IST1: variants seen among roughly 807,000 people sequenced by gnomAD.
The protein encoded by IST1 is IST1 factor associated with ESCRT-III, also known as IST1 homolog.
A neutral mutation model predicts 37.0 loss-of-function variants in IST1; 23 were observed. That is an observed-to-expected ratio of 0.62 (90% CI 0.45 to 0.88). The LOEUF (loss-of-function observed/expected upper bound fraction) is 0.88. IST1 is among the 40% of genes least tolerant of loss of function. The probability of loss-of-function intolerance (pLI) is 0.00; values close to 1 mark genes in which losing one functional copy is unlikely to be tolerated. For missense variants in IST1, 488 were observed against 445.4 expected (o/e 1.10, Z -0.86); for synonymous variants, 180 against 161.7 (o/e 1.11, Z -0.86).
At chr16:71,905,387 T>TTA (rs1597236661) in intron 1 of IST1, among the ~76,000 whole-genome samples, 3 of 64,296 alleles carry the variant, frequency 4.7e-5, no homozygotes, top group African/African-American at 7.2e-5. Context: ...AACTTTTCTT[T>TTA]TTTTTTTTTT....
upstream of IST1, chr16:71,894,718 TA>T: frequency 3.5e-6 from 2 of 567,560 alleles, no homozygotes; most frequent in South Asian, 4.6e-5. Context: ...TTTTTTTTTG[TA>T]GCGATGCGGT....
At chr16:71,924,581 CTGTCTCAAA>C (rs2037691957) in intron 8 of IST1, 179 bp from the exon 9 acceptor site, 2 of 606,862 alleles carry the variant, frequency 3.3e-6, no homozygotes, top group Non-Finnish European at 3.0e-6. Flanking sequence ...ACAGGAGACC[CTGTCTCAAA>C]ATCAAAGGAG....
rs747208217 is a variant in IST1 at position 71,901,756 on chromosome 16, A to AT, written c.-16+6174dup. On this transcript the variant is annotated intron_variant, in intron 1 of 9. Coordinates refer to ENST00000378799, the MANE Select transcript of IST1 (RefSeq NM_001270975.2). ...AAACTAGATTATGTAAATTTGTAGA[A>AT]TTTTTTTAAAAGCATGTGGTTTTTA... 2.3e-4 allele frequency among the ~76,000 whole-genome samples: 35 copies of AT among 152,282 alleles called. 1 individual carries two copies. The highest frequency in any genetic ancestry group is 3.4e-3 in the Middle Eastern group (1 of 294).
intron 1 of IST1, among the ~76,000 whole-genome samples, chr16:71,898,721 G>A (rs1166057866): frequency 6.6e-6 from 1 of 151,378 alleles, no homozygotes; most frequent in Non-Finnish European, 1.5e-5. Context: ...GCTCACGCCT[G>A]TAATCCCAGC....
At chr16:71,896,659 G>A (rs2036978924) in intron 1 of IST1, among the ~76,000 whole-genome samples, 1 of 152,096 alleles carries the variant, frequency 6.6e-6, no homozygotes, top group Non-Finnish European at 1.5e-5. Flanking sequence ...GAACTTCTGG[G>A]ATAGGGGGAC....
intron 1 of IST1, among the ~76,000 whole-genome samples, chr16:71,912,845 C>T (rs2037387774): frequency 6.6e-6 from 1 of 152,174 alleles, no homozygotes; most frequent in Admixed American, 6.5e-5. Flanking sequence ...CAGAATCTTA[C>T]AGTATTTGTT....
rs780072465 is a variant in IST1 at position 71,895,552 on chromosome 16, A to T, written c.-53A>T. ...CGCCATTTTGGATGGTGAACCCTGA[A>T]GTCGGTGTCTGCTGCGTTCACGGCA... On this transcript the variant is annotated 5_prime_UTR_variant, in exon 1 of 10. It adds an upstream start codon to the 5' untranslated region. Transcript: ENST00000378799. 1.1e-5 allele frequency: 11 copies of T among 985,524 alleles called. No individual in the cohort carries two copies. The highest frequency in any genetic ancestry group is 1.3e-5 in the Non-Finnish European group (11 of 830,070). The allele number at this position is 985,524 out of a possible 1,614,324, so 61.0% of individuals were successfully genotyped here. A position where few individuals can be genotyped will look rare whatever the true frequency, so the allele number is the denominator to read the frequency against.
Position 71,929,332 on chromosome 16 carries a change from C to G in IST1, c.*1519C>G. On this transcript the variant is annotated 3_prime_UTR_variant, in exon 10 of 10. Transcript: ENST00000378799. ...GTGAGTTCTGTTACTTGCTGCTTGG[C>G]AGCAGAGCTAGTTTGTCTCGTAGTA... 2.2e-6 allele frequency: 1 copy of G among 459,854 alleles called. No individual in the cohort carries two copies. The highest frequency in any genetic ancestry group is 3.7e-6 in the Non-Finnish European group (1 of 268,800). 28.5% of individuals were successfully genotyped at this position (459,854 alleles called of 1,614,324 possible).
intron 6 of IST1, 52 bp downstream of exon 6, chr16:71,921,505 T>A: frequency 9.8e-7 from 1 of 1,023,128 alleles, no homozygotes; most frequent in Non-Finnish European, 1.4e-6. Flanking sequence ...TATGACCTTC[T>A]TTGGAAAACA....
chr16:71,895,004 G>T, upstream of IST1: 1 of 604,772 alleles, frequency 1.7e-6, no homozygotes, highest in Admixed American at 2.9e-5. Context: ...TTAAAAGCGG[G>T]GCGGGGGAAC....
chr16:71,899,858 C>A (rs1469082296), intron 1 of IST1, among the ~76,000 whole-genome samples: 1 of 151,992 alleles, frequency 6.6e-6, no homozygotes, highest in Non-Finnish European at 1.5e-5. Flanking sequence ...CCTGTCTCTA[C>A]TAAAAATATA....
chr16:71,895,476 C>T (rs1287047012), upstream of IST1: 20 of 979,998 alleles, frequency 2.0e-5, no homozygotes, highest in Non-Finnish European at 2.4e-5. Context: ...GTGGCTATAT[C>T]GGCCCCGTGG....
chr16:71,904,871 TTTTCA>T (rs1241228173), intron 1 of IST1, among the ~76,000 whole-genome samples: 1 of 152,212 alleles, frequency 6.6e-6, no homozygotes, highest in Non-Finnish European at 1.5e-5. Flanking sequence ...GTTTATACCA[TTTTCA>T]TTTAATTATG....
intron 1 of IST1, among the ~76,000 whole-genome samples, chr16:71,896,168 T>G (rs2036966247): frequency 6.6e-6 from 1 of 152,078 alleles, no homozygotes; most frequent in East Asian, 1.9e-4. Context: ...CTTTCTCGGA[T>G]CCCTGCGTGT....
Position 71,930,192 on chromosome 16 carries a change from A to G in IST1, c.*2379A>G. On this transcript the variant is annotated 3_prime_UTR_variant, in exon 10 of 10. Coordinates refer to ENST00000378799, the MANE Select transcript of IST1 (RefSeq NM_001270975.2). ...GGGTCTAAAGCGAAAACCTGGGAAA[A>G]CAATAAGAACACTTGCAGTGACTGA... The G allele has an allele frequency of 1.3e-6, 2 of 1,538,574 alleles. No individual in the cohort carries two copies. The highest frequency in any genetic ancestry group is 1.2e-5 in the South Asian group (1 of 82,748).
At chr16:71,916,401 G>T in intron 2 of IST1, 61 bp from the exon 3 acceptor site, 1 of 1,539,948 alleles carries the variant, frequency 6.5e-7, no homozygotes, top group Non-Finnish European at 8.9e-7. Flanking sequence ...GGGGAGATTG[G>T]CCTGTAGGCC....
At chr16:71,922,347 C>T (rs906123592) in intron 6 of IST1, 127 bp from the exon 7 acceptor site, 5 of 765,728 alleles carry the variant, frequency 6.5e-6, no homozygotes, top group African/African-American at 3.5e-5. Flanking sequence ...TTTCTTCCCC[C>T]ACAGGTGTTG....
intron 1 of IST1, among the ~76,000 whole-genome samples, chr16:71,896,864 A>G (rs1469926622): frequency 6.6e-6 from 1 of 152,060 alleles, no homozygotes; most frequent in African/African-American, 2.4e-5. Context: ...ATAGTCCAGG[A>G]GGCTGAGGTA....
At chr16:71,898,964 C>A (rs2037040690) in intron 1 of IST1, among the ~76,000 whole-genome samples, 5 of 110,274 alleles carry the variant, frequency 4.5e-5, no homozygotes, top group South Asian at 3.0e-4. Context: ...GCCTCTATCT[C>A]AAAAAAAAAA....
Sources: allele counts gnomAD v4.1 joint callset (sites outside exome capture counted in the v4.1 genomes callset), GRCh38; gene constraint gnomAD v4.1.1; transcripts MANE v1.5; gene names NCBI Gene and HGNC (gene_info 2026-07-23, HGNC 2026-07-21).